SPAG16: variants seen among roughly 807,000 people sequenced by gnomAD.
SPAG16 encodes the protein sperm-associated antigen 16 protein.
Under a neutral mutation model 80.4 loss-of-function variants are expected in SPAG16, and 86 were observed. The observed-to-expected ratio is 1.07, with a 90% confidence interval of 0.90 to 1.28. The LOEUF is 1.28. SPAG16 is among the 50% of genes most tolerant of loss of function. The probability of loss-of-function intolerance (pLI) is 0.00; values close to 1 mark genes in which losing one functional copy is unlikely to be tolerated. For missense variants in SPAG16, 870 were observed against 765.3 expected (o/e 1.14, Z -1.61); for synonymous variants, 294 against 265.9 (o/e 1.11, Z -1.03).
intron 10 of SPAG16, among the ~76,000 whole-genome samples, chr2:213,810,957 T>G (rs2072114821): frequency 1.3e-5 from 2 of 152,116 alleles, no homozygotes. Context: ...CTGTGAGGAT[T>G]GTGGTGTAGC....
intron 6 of SPAG16, among the ~76,000 whole-genome samples, chr2:213,348,464 TC>T (rs1231149321): frequency 3.3e-5 from 5 of 152,338 alleles, no homozygotes; most frequent in Non-Finnish European, 5.9e-5. Flanking sequence ...TGCAGTTTCT[TC>T]CTAGCCTCGA....
intron 13 of SPAG16, among the ~76,000 whole-genome samples, chr2:214,080,528 A>G (rs1336748740): frequency 6.6e-6 from 1 of 151,318 alleles, no homozygotes; most frequent in Admixed American, 6.6e-5. Context: ...GAATGGCGTG[A>G]ACCTGGGAGG....
intron 3 of SPAG16, among the ~76,000 whole-genome samples, chr2:213,300,921 A>G (rs1361418247): frequency 1.3e-5 from 2 of 152,110 alleles, no homozygotes. Flanking sequence ...TAATATAAAA[A>G]AGTTCTCTTG....
intron 10 of SPAG16, among the ~76,000 whole-genome samples, chr2:213,653,569 C>G (rs1274720500): frequency 6.6e-6 from 1 of 152,172 alleles, no homozygotes; most frequent in East Asian, 1.9e-4. Context: ...AAGGCTTAAG[C>G]AAAACCTTGG....
chr2:213,421,558 G>T (rs1461313165), intron 9 of SPAG16, among the ~76,000 whole-genome samples: 1 of 152,194 alleles, frequency 6.6e-6, no homozygotes, highest in Non-Finnish European at 1.5e-5. Context: ...AAGCCTGGGG[G>T]CCAGGCTCCC....
intron 10 of SPAG16, among the ~76,000 whole-genome samples, chr2:213,737,828 TTA>T (rs952397407): frequency 2.0e-5 from 3 of 152,152 alleles, no homozygotes; most frequent in African/African-American, 7.2e-5. Context: ...CTTCTTAACA[TTA>T]GTAAATGTAG....
intron 10 of SPAG16, among the ~76,000 whole-genome samples, chr2:213,848,863 T>C (rs7570617): frequency 5.9e-5 from 9 of 152,170 alleles, no homozygotes; most frequent in African/African-American, 1.9e-4. Flanking sequence ...GCTTGTGGCC[T>C]ATGACGCAAC....
At chr2:214,042,007 T>TATATATATATATATATACAC (rs1371293247) in intron 13 of SPAG16, among the ~76,000 whole-genome samples, 10 of 101,246 alleles carry the variant, frequency 9.9e-5, no homozygotes, top group South Asian at 3.2e-4. Flanking sequence ...TATATATATA[T>TATATATATATATATATACAC]ACACACACAC....
At chr2:213,592,123 C>T (rs2060714120) in intron 10 of SPAG16, among the ~76,000 whole-genome samples, 1 of 152,094 alleles carries the variant, frequency 6.6e-6, no homozygotes, top group Non-Finnish European at 1.5e-5. Context: ...TTCACCATTA[C>T]AAAATTTGGC....
At chr2:214,350,863 A>T (rs1275739044) in intron 15 of SPAG16, among the ~76,000 whole-genome samples, 2 of 152,196 alleles carry the variant, frequency 1.3e-5, no homozygotes, top group East Asian at 1.9e-4. Context: ...TCTCTAAAAA[A>T]TTTCTAAAAT....
intron 15 of SPAG16, chr2:214,240,679 A>G (rs1301814940): frequency 6.6e-6 from 1 of 152,208 alleles, no homozygotes; most frequent in Non-Finnish European, 1.5e-5. Context: ...TCTAGATGCT[A>G]TGTAGAAATT....
At chr2:213,995,905 A>G (rs771047364) in intron 12 of SPAG16, among the ~76,000 whole-genome samples, 5 of 152,202 alleles carry the variant, frequency 3.3e-5, no homozygotes, top group Non-Finnish European at 7.3e-5. Flanking sequence ...TCCTTCTCAC[A>G]GAGCCTGACA....
intron 10 of SPAG16, among the ~76,000 whole-genome samples, chr2:213,504,307 T>C (rs1020836861): frequency 5.3e-5 from 8 of 152,038 alleles, no homozygotes; most frequent in Non-Finnish European, 1.0e-4. Context: ...AGAAAGAGGG[T>C]GATATTTAAA....
intron 10 of SPAG16, among the ~76,000 whole-genome samples, chr2:213,538,829 A>G (rs1268251198): frequency 1.3e-5 from 2 of 152,126 alleles, no homozygotes; most frequent in African/African-American, 4.8e-5. Context: ...CTATTTATCT[A>G]TTTATCTATC....
At chr2:214,306,844 T>G (rs1382615536) in intron 15 of SPAG16, among the ~76,000 whole-genome samples, 1 of 151,992 alleles carries the variant, frequency 6.6e-6, no homozygotes, top group Non-Finnish European at 1.5e-5. Flanking sequence ...TGTTTTGTTT[T>G]GTTTTTGTTA....
intron 12 of SPAG16, among the ~76,000 whole-genome samples, chr2:213,949,179 T>TTTTTTTTTTTTTTTTTGTTTTTTG (rs1553677674): frequency 2.8e-5 from 1 of 36,264 alleles, no homozygotes; most frequent in Non-Finnish European, 5.5e-5. Context: ...GTTTTTTTTT[T>TTTTTTTTTTTTTTTTTGTTTTTTG]TTTTTTTTTT....
chr2:214,023,382 A>G (rs571567697), intron 13 of SPAG16, among the ~76,000 whole-genome samples: 1 of 150,538 alleles, frequency 6.6e-6, no homozygotes, highest in African/African-American at 2.4e-5. Context: ...TTGAGTGGCT[A>G]TCAATTGCTT....
chr2:213,611,199 G>C (rs905192343), intron 10 of SPAG16, among the ~76,000 whole-genome samples: 1 of 152,160 alleles, frequency 6.6e-6, no homozygotes, highest in Non-Finnish European at 1.5e-5. Flanking sequence ...AAATTTGTGT[G>C]CCATTTCTCC....
chr2:213,949,624 C>A (rs899838011), intron 12 of SPAG16, among the ~76,000 whole-genome samples: 3 of 152,110 alleles, frequency 2.0e-5, no homozygotes, highest in Non-Finnish European at 4.4e-5. Flanking sequence ...GTCATCAAAG[C>A]AAATAAGTTT....
Sources: gnomAD v4.1 joint callset for allele counts (sites outside exome capture counted in the v4.1 genomes callset) on GRCh38, gnomAD v4.1.1 for gene constraint, MANE v1.5 for transcripts, NCBI Gene and HGNC (gene_info 2026-07-23, HGNC 2026-07-21) for gene names.